SPOCK3: variants seen among roughly 807,000 people sequenced by gnomAD.
The protein encoded by SPOCK3 is testican-3.
In SPOCK3, 30 loss-of-function variants were observed where a neutral mutation model predicts 56.6. The observed-to-expected ratio is 0.53, with a 90% CI of 0.40 to 0.72. SPOCK3 has a LOEUF of 0.72. Among genes scored for constraint, SPOCK3 ranks in the 30% least tolerant of loss-of-function variants. The pLI, the probability that SPOCK3 is intolerant of heterozygous loss-of-function variation, is 0.00. For missense variants in SPOCK3, 527 were observed against 530.0 expected, an observed-to-expected ratio of 0.99 and a Z score of 0.06; for synonymous variants, 196 against 183.3, an observed-to-expected ratio of 1.07 and a Z score of -0.56.
intron 6 of SPOCK3, among the ~76,000 whole-genome samples, chr4:166,819,039 AAAC>A (rs1744659793): frequency 1.3e-5 from 2 of 152,162 alleles, no homozygotes; most frequent in Admixed American, 6.6e-5. Context: ...ATATTTGGAC[AAAC>A]AATAAAGCAA....
intron 4 of SPOCK3, among the ~76,000 whole-genome samples, chr4:166,965,843 C>T (rs1744678783): frequency 6.6e-6 from 1 of 152,064 alleles, no homozygotes; most frequent in South Asian, 2.1e-4. Context: ...GCCATATTGA[C>T]ACATTATAAT....
intron 2 of SPOCK3, among the ~76,000 whole-genome samples, chr4:167,091,583 G>A (rs975012477): frequency 2.0e-5 from 3 of 152,130 alleles, no homozygotes; most frequent in Admixed American, 2.0e-4. Flanking sequence ...TCCCTCATTA[G>A]GATATAATTT....
chr4:167,106,281 C>T (rs1397202406), intron 2 of SPOCK3, among the ~76,000 whole-genome samples: 2 of 151,714 alleles, frequency 1.3e-5, no homozygotes, highest in Non-Finnish European at 3.0e-5. Flanking sequence ...TAATATCAAA[C>T]ATCTTCTCTG....
Position 166,909,973 on chromosome 4 carries a change from C to A in SPOCK3, c.474+2647G>T, listed in dbSNP as rs529821744. ...TGATCAGTAGCTAAATAGCCTAGGG[C>A]AATACTTTCTTATGAGGGGGGAACA... On this transcript the variant is annotated intron_variant, in intron 5 of 10. Transcript: ENST00000357545. Among the ~76,000 whole-genome samples, 4 of 152,042 alleles carry A rather than the reference C, an allele frequency of 2.6e-5. No individual in the cohort carries two copies. In the East Asian group the frequency reaches 5.8e-4, roughly 22 times the overall value.
At chr4:166,777,289 A>G (rs1264533483) in intron 7 of SPOCK3, among the ~76,000 whole-genome samples, 1 of 152,240 alleles carries the variant, frequency 6.6e-6, no homozygotes, top group African/African-American at 2.4e-5. Flanking sequence ...AATTGTTATT[A>G]ATATTTTGTA....
chr4:167,205,705 G>C (rs765218218), intron 2 of SPOCK3, among the ~76,000 whole-genome samples: 5 of 144,600 alleles, frequency 3.5e-5, no homozygotes, highest in South Asian at 4.3e-4. Flanking sequence ...TTCTGTCCCC[G>C]GGGTTTAAGC....
At chr4:167,225,525 TATTAA>T (rs1374623460) in intron 2 of SPOCK3, among the ~76,000 whole-genome samples, 2 of 152,092 alleles carry the variant, frequency 1.3e-5, no homozygotes, top group Admixed American at 6.5e-5. Flanking sequence ...TTATTACTAT[TATTAA>T]ATTAATTATG....
chr4:167,040,338 A>C (rs950421897), intron 3 of SPOCK3, among the ~76,000 whole-genome samples: 1 of 152,180 alleles, frequency 6.6e-6, no homozygotes. Flanking sequence ...TCCTGGATGT[A>C]CCACTTAATA....
chr4:167,116,639 C>G (rs1264996503), intron 2 of SPOCK3, among the ~76,000 whole-genome samples: 1 of 115,498 alleles, frequency 8.7e-6, no homozygotes, highest in Non-Finnish European at 1.7e-5. Flanking sequence ...ATACTATATA[C>G]GTATATATAT....
At chr4:167,182,961 C>T (rs1580541721) in intron 2 of SPOCK3, among the ~76,000 whole-genome samples, 2 of 152,184 alleles carry the variant, frequency 1.3e-5, no homozygotes, top group African/African-American at 2.4e-5. Flanking sequence ...CTTAACTTTG[C>T]ATCCTGCCAT....
chr4:166,847,647 TTATATATATATATA>T lies in SPOCK3; in HGVS notation c.589+41469_589+41482del, dbSNP rs147015731. On this transcript the variant is annotated intron_variant, in intron 6 of 10. Transcript: ENST00000357545. ...CACAATTCAAAAGGAAAATCCTAGT[TTATATATATATATA>T]TATATATATATATATATATAAGAAT... Among the ~76,000 whole-genome samples the T allele has an allele frequency of 3.1e-4, 17 of 55,408 alleles. No homozygotes were observed. In the South Asian group the frequency reaches 3.2e-3, roughly 10 times the overall value. The allele number at this position is 55,408 out of a possible 152,430, so 36.3% of individuals were successfully genotyped here. A position where few individuals can be genotyped will look rare whatever the true frequency, so the allele number is the denominator to read the frequency against.
intron 6 of SPOCK3, among the ~76,000 whole-genome samples, chr4:166,867,922 A>G (rs987953905): frequency 2.6e-5 from 4 of 151,892 alleles, no homozygotes; most frequent in Non-Finnish European, 4.4e-5. Flanking sequence ...AAATTTAATT[A>G]CTTTTATATG....
intron 5 of SPOCK3, among the ~76,000 whole-genome samples, chr4:166,899,685 T>C (rs1028067151): frequency 6.6e-6 from 1 of 151,702 alleles, no homozygotes; most frequent in Non-Finnish European, 1.5e-5. Flanking sequence ...CCCGTCTAAT[T>C]TTTGTATTTT....
chr4:166,931,872 C>T (rs757156386), intron 4 of SPOCK3, among the ~76,000 whole-genome samples: 32 of 152,124 alleles, frequency 2.1e-4, no homozygotes, highest in Non-Finnish European at 4.1e-4. Context: ...ATGGATGTGC[C>T]CTCTCCATTA....
chr4:166,794,109 C>T (rs1741637047), intron 6 of SPOCK3, among the ~76,000 whole-genome samples: 1 of 150,060 alleles, frequency 6.7e-6, no homozygotes, highest in Non-Finnish European at 1.5e-5. Flanking sequence ...GAATTCATTG[C>T]CATCCTTTCA....
chr4:166,998,127 T>C (rs1458047021), intron 4 of SPOCK3, among the ~76,000 whole-genome samples: 1 of 152,192 alleles, frequency 6.6e-6, no homozygotes, highest in Non-Finnish European at 1.5e-5. Context: ...GCATATCAAA[T>C]ATTAATCTTA....
chr4:167,030,904 T>G (rs1028323007), intron 3 of SPOCK3, among the ~76,000 whole-genome samples: 6 of 152,038 alleles, frequency 3.9e-5, no homozygotes, highest in African/African-American at 1.2e-4. Context: ...CAGACTGAAG[T>G]CAAAAAGCCC....
chr4:166,778,529 G>GAGA (rs1447078670), intron 7 of SPOCK3, among the ~76,000 whole-genome samples: 3 of 152,108 alleles, frequency 2.0e-5, no homozygotes, highest in Admixed American at 6.6e-5. Context: ...AGCAGGTATT[G>GAGA]AGAAGAAAAG....
intron 3 of SPOCK3, among the ~76,000 whole-genome samples, chr4:167,046,808 T>C (rs1468419787): frequency 6.6e-6 from 1 of 152,118 alleles, no homozygotes; most frequent in East Asian, 1.9e-4. Context: ...AAGATAATTG[T>C]ACACAATGAG....
Sources: gnomAD v4.1 joint callset for allele counts (sites outside exome capture counted in the v4.1 genomes callset) on GRCh38, gnomAD v4.1.1 for gene constraint, MANE v1.5 for transcripts, NCBI Gene and HGNC (gene_info 2026-07-23, HGNC 2026-07-21) for gene names.